DISC1: variants seen among roughly 807,000 people sequenced by gnomAD.
DISC1 encodes the protein DISC1 scaffold protein, also known as disrupted in schizophrenia 1 protein.
A neutral mutation model predicts 84.5 loss-of-function variants in DISC1; 57 were observed. The ratio of observed to expected loss-of-function variants is 0.67; its 90% CI spans 0.55 to 0.84. The LOEUF (loss-of-function observed/expected upper bound fraction) is 0.84. DISC1 is among the 40% of genes least tolerant of loss of function. DISC1 has a pLI of 0.00. For missense variants in DISC1, 1,000 were observed against 1,057.8 expected (o/e 0.95, Z 0.76); for synonymous variants, 411 against 415.2 (o/e 0.99, Z 0.12).
intron 8 of DISC1, among the ~76,000 whole-genome samples, chr1:231,806,693 C>A (rs199905946): frequency 6.6e-6 from 1 of 152,246 alleles, no homozygotes; most frequent in Admixed American, 6.5e-5. Context: ...CCCAGACCCA[C>A]CTTGCTGAAC....
At position 232,009,357 on chromosome 1, in the gene DISC1, C is replaced by T. The variant is rs1572621164; in HGVS notation, c.2307+308C>T. 4 of 946,400 alleles carry T rather than the reference C, an allele frequency of 4.2e-6. No individual in the cohort carries two copies. The highest frequency in any genetic ancestry group is 1.5e-4 in the East Asian group (2 of 13,662). 58.6% of individuals were successfully genotyped at this position (946,400 alleles called of 1,614,324 possible). On this transcript the variant is annotated intron_variant, in intron 11 of 12. Transcript: ENST00000439617. The surrounding 1 kb of genome is among the most constrained non-coding windows in gnomAD (Gnocchi z 4.6). ...CATATATAGCATACATTATATATGT[C>T]ATATATAATATAGTTATTATATTCA...
intron 1 of DISC1, among the ~76,000 whole-genome samples, chr1:231,634,005 T>A (rs914376422): frequency 1.3e-5 from 2 of 150,644 alleles, no homozygotes; most frequent in African/African-American, 4.9e-5. Flanking sequence ...TGCCTCAGCC[T>A]CCCAAGTACC....
At chr1:231,861,135 G>A (rs1488681508) in intron 9 of DISC1, among the ~76,000 whole-genome samples, 2 of 152,112 alleles carry the variant, frequency 1.3e-5, no homozygotes, top group African/African-American at 4.8e-5. Flanking sequence ...GCTTCATCTG[G>A]GCTCTGTGAT....
At chr1:231,898,219 T>C (rs202200293) in intron 9 of DISC1, among the ~76,000 whole-genome samples, 2 of 152,234 alleles carry the variant, frequency 1.3e-5, no homozygotes, top group African/African-American at 2.4e-5. Flanking sequence ...TTCTTACAAT[T>C]ACACATAATA....
chr1:231,741,150 G>A (rs138261690), intron 3 of DISC1, among the ~76,000 whole-genome samples: 116 of 152,300 alleles, frequency 7.6e-4, no homozygotes, highest in African/African-American at 2.7e-3. Context: ...CTGACAACTC[G>A]GGCTAGGCTG....
intron 9 of DISC1, among the ~76,000 whole-genome samples, chr1:231,865,720 C>T (rs768638012): frequency 2.0e-5 from 3 of 152,004 alleles, no homozygotes; most frequent in African/African-American, 7.3e-5. Flanking sequence ...TTTTGTGATA[C>T]GATATTTTCT....
intron 8 of DISC1, among the ~76,000 whole-genome samples, chr1:231,813,630 T>C (rs925643713): frequency 3.9e-5 from 6 of 152,246 alleles, no homozygotes; most frequent in African/African-American, 1.4e-4. Flanking sequence ...CTGTGGACTT[T>C]GTGGGTTTTT....
At chr1:231,807,582 C>T (rs1226683264) in intron 8 of DISC1, among the ~76,000 whole-genome samples, 2 of 152,206 alleles carry the variant, frequency 1.3e-5, no homozygotes, top group African/African-American at 4.8e-5. Context: ...AGATTTTCAT[C>T]TCCTGCCCTG....
At chr1:231,870,455 G>A (rs1021235407) in intron 9 of DISC1, among the ~76,000 whole-genome samples, 1 of 152,372 alleles carries the variant, frequency 6.6e-6, no homozygotes, top group East Asian at 1.9e-4. Context: ...GTGCTAAGTA[G>A]TTGGCCAGAG....
At chr1:231,942,946 G>T (rs1006882743) in intron 9 of DISC1, among the ~76,000 whole-genome samples, 2 of 152,192 alleles carry the variant, frequency 1.3e-5, no homozygotes, top group South Asian at 2.1e-4. Context: ...TTGAAATTCA[G>T]CCCCTTCATA....
In DISC1 at chr1:231,694,024, AC is replaced by A. The variant is rs1558347818; in HGVS notation, c.267del (p.Ser90ArgfsTer19). 6.2e-7 allele frequency: 1 copy of A among 1,613,970 alleles called. No homozygotes were observed. Among genetic ancestry groups the A allele is most frequent in the Non-Finnish European group, 8.5e-7 (1 of 1,179,942 alleles). ...TCCAGGGCCAGACAGTGTGGCCTTG[AC>A]TCGAGAGGCCTCTTGGTCCGGAGCC... is the stretch of plus-strand genomic sequence containing the variant. The part of the protein sequence containing the change: ...SESRARQCGL[D>X]SRGLLVRSPV... On this transcript the variant is annotated frameshift_variant, in exon 2 of 13. Coordinates refer to ENST00000439617, the MANE Select transcript of DISC1 (RefSeq NM_018662.3). LOFTEE classifies it high-confidence loss of function.
intron 3 of DISC1, 116 bp from the exon 4 acceptor site, chr1:231,749,810 T>C: frequency 7.2e-7 from 1 of 1,382,106 alleles, no homozygotes; most frequent in Non-Finnish European, 1.0e-6. Context: ...CTAGTAACCT[T>C]GTCATGATGT....
chr1:231,984,677 AC>A (rs1391965999), intron 10 of DISC1, among the ~76,000 whole-genome samples: 4 of 152,186 alleles, frequency 2.6e-5, no homozygotes, highest in Non-Finnish European at 5.9e-5. Flanking sequence ...CATGATAAGG[AC>A]ATTACTACAG....
At chr1:231,702,323 C>T (rs2066525299) in intron 3 of DISC1, 1 of 1,082,666 alleles carries the variant, frequency 9.2e-7, no homozygotes, top group Admixed American at 5.5e-5. Context: ...TGTGATGTAT[C>T]TATAATCCAC....
rs1408053534 is a variant in DISC1, at chr1:232,026,419, T to A, written c.2308-16T>A. On this transcript the variant is annotated splice_polypyrimidine_tract_variant and intron_variant, in intron 11 of 12. Coordinates refer to ENST00000439617, the MANE Select transcript of DISC1 (RefSeq NM_018662.3). ...CACGGCACTAACAAGTGATCTTGTT[T>A]TCCCCCTCTCGCCAGGAATCTTACA... 1 of 1,555,318 alleles carries A rather than the reference T, an allele frequency of 6.4e-7. No individual in the cohort carries two copies. Among genetic ancestry groups the A allele is most frequent in the South Asian group, 1.2e-5 (1 of 85,492 alleles).
At chr1:231,834,342 G>C (rs1173531701) in intron 9 of DISC1, among the ~76,000 whole-genome samples, 1 of 152,036 alleles carries the variant, frequency 6.6e-6, no homozygotes, top group South Asian at 2.1e-4. Flanking sequence ...ACTTAGCGAC[G>C]CTTGGGGTTG....
chr1:231,863,556 A>T (rs139298593), intron 9 of DISC1, among the ~76,000 whole-genome samples: 260 of 152,328 alleles, frequency 1.7e-3, no homozygotes, highest in African/African-American at 6.0e-3. Context: ...ACAAAAGCAT[A>T]GCTTTATGTT....
chr1:231,648,797 T>C (rs1558241648), intron 1 of DISC1, among the ~76,000 whole-genome samples: 1 of 152,194 alleles, frequency 6.6e-6, no homozygotes, highest in Non-Finnish European at 1.5e-5. Flanking sequence ...AGGGTGTATG[T>C]GTCCAGGAAT....
chr1:231,733,749 GCCA>G (rs2072018251), intron 3 of DISC1, among the ~76,000 whole-genome samples: 1 of 124,308 alleles, frequency 8.0e-6, no homozygotes, highest in South Asian at 2.6e-4. Context: ...TGGTGGTGGT[GCCA>G]TGAGTAGTGG....
Sources: gnomAD v4.1 joint callset for allele counts (sites outside exome capture counted in the v4.1 genomes callset) on GRCh38, gnomAD v4.1.1 for gene constraint, Gnocchi (gnomAD v3.1) non-coding constraint, MANE v1.5 for transcripts, NCBI Gene and HGNC (gene_info 2026-07-23, HGNC 2026-07-21) for gene names.